The following BMAL1 variants were observed in gnomAD, a reference collection of about 807,000 sequenced individuals.
BMAL1 encodes the protein basic helix-loop-helix ARNT-like protein 1.
At chr11:13,330,390 C>T in the BMAL1 span, among the ~76,000 whole-genome samples, 13 of 152,184 alleles carry the variant, frequency 8.5e-5, no homozygotes, top group Non-Finnish European at 1.6e-4. Flanking sequence ...ACTAAAATCT[C>T]GATTTATTTT....
chr11:13,381,317 G>A, the BMAL1 span: 1 of 1,530,696 alleles, frequency 6.5e-7, no homozygotes, highest in Non-Finnish European at 9.0e-7. Flanking sequence ...AAATGTTGGG[G>A]GTGGGAGTAT....
the BMAL1 span, chr11:13,378,546 G>A: frequency 7.3e-6 from 11 of 1,514,214 alleles, no homozygotes; most frequent in Admixed American, 2.1e-5. Context: ...GACATTTTTG[G>A]TCTTCACAAC....
chr11:13,370,959 C>T, the BMAL1 span, among the ~76,000 whole-genome samples: 1 of 152,226 alleles, frequency 6.6e-6, no homozygotes, highest in Non-Finnish European at 1.5e-5. Flanking sequence ...TCCCCATGAA[C>T]TCCCTTCACA....
the BMAL1 span, among the ~76,000 whole-genome samples, chr11:13,286,338 G>A: frequency 6.6e-6 from 1 of 152,198 alleles, no homozygotes; most frequent in East Asian, 1.9e-4. Flanking sequence ...AGATTTGGTT[G>A]CATGTGTTAT....
chr11:13,313,841 C>CGGA, the BMAL1 span, among the ~76,000 whole-genome samples: 1 of 152,158 alleles, frequency 6.6e-6, no homozygotes, highest in South Asian at 2.1e-4. Context: ...TCAGCGGGGC[C>CGGA]TGCAGTCTTC....
the BMAL1 span, among the ~76,000 whole-genome samples, chr11:13,318,059 G>A: frequency 6.6e-6 from 1 of 152,240 alleles, no homozygotes; most frequent in Non-Finnish European, 1.5e-5. Flanking sequence ...GTGGCAGTGC[G>A]GAAGAGTGGT....
At chr11:13,292,894 T>C in the BMAL1 span, among the ~76,000 whole-genome samples, 1 of 152,204 alleles carries the variant, frequency 6.6e-6, no homozygotes, top group Non-Finnish European at 1.5e-5. Flanking sequence ...ACATTCTCTT[T>C]TTCCAGTAGC....
chr11:13,378,278 C>G, the BMAL1 span: 28 of 1,513,702 alleles, frequency 1.8e-5, no homozygotes, highest in Non-Finnish European at 2.4e-5. Context: ...TACTTTAATA[C>G]ATAATAGTAT....
At chr11:13,356,807 G>C in the BMAL1 span, 2 of 1,614,000 alleles carry the variant, frequency 1.2e-6, no homozygotes, top group Non-Finnish European at 1.7e-6. Flanking sequence ...TTGAACTTCA[G>C]CATCCTTATA....
At chr11:13,383,544 T>C in the BMAL1 span, among the ~76,000 whole-genome samples, 1 of 152,186 alleles carries the variant, frequency 6.6e-6, no homozygotes, top group East Asian at 1.9e-4. Flanking sequence ...TTAAAGCCAG[T>C]TTCATTTAAG....
At chr11:13,372,512 G>GA in the BMAL1 span, 1 of 1,520,108 alleles carries the variant, frequency 6.6e-7, no homozygotes, top group South Asian at 1.3e-5. Flanking sequence ...TTCTAAGAAT[G>GA]AAGAAAGAAA....
At chr11:13,298,131 A>G in the BMAL1 span, among the ~76,000 whole-genome samples, 1 of 152,148 alleles carries the variant, frequency 6.6e-6, no homozygotes, top group African/African-American at 2.4e-5. Context: ...TGCACAGCTC[A>G]TTGTGGTGCA....
the BMAL1 span, among the ~76,000 whole-genome samples, chr11:13,297,438 G>A: frequency 7.7e-4 from 118 of 152,338 alleles, no homozygotes; most frequent in African/African-American, 2.7e-3. Flanking sequence ...GGTTCTTCTC[G>A]CTGCCTGTGG....
At chr11:13,301,900 G>C in the BMAL1 span, among the ~76,000 whole-genome samples, 1 of 152,224 alleles carries the variant, frequency 6.6e-6, no homozygotes, top group East Asian at 1.9e-4. Context: ...GGATCACACT[G>C]CTGTGGAGCC....
the BMAL1 span, among the ~76,000 whole-genome samples, chr11:13,306,298 G>T: frequency 2.0e-5 from 3 of 152,128 alleles, no homozygotes; most frequent in African/African-American, 7.2e-5. Context: ...GCTGCTGCCT[G>T]TGTCCAGGCA....
the BMAL1 span, among the ~76,000 whole-genome samples, chr11:13,291,166 T>C: frequency 6.6e-6 from 1 of 152,176 alleles, no homozygotes; most frequent in Non-Finnish European, 1.5e-5. Flanking sequence ...TTCATCAAAG[T>C]CACCCTGTAA....
the BMAL1 span, chr11:13,354,200 G>GGC: frequency 2.7e-6 from 1 of 364,714 alleles, no homozygotes; most frequent in Non-Finnish European, 5.3e-6. Flanking sequence ...TCCCCCCCCG[G>GGC]CCCCCCACCA....
At chr11:13,379,927 C>T in the BMAL1 span, 1 of 152,284 alleles carries the variant, frequency 6.6e-6, no homozygotes, top group South Asian at 2.1e-4. Flanking sequence ...GAACAAGCAT[C>T]CAAAGTCTTG....
At chr11:13,328,872 C>T in the BMAL1 span, among the ~76,000 whole-genome samples, 13 of 152,308 alleles carry the variant, frequency 8.5e-5, no homozygotes, top group East Asian at 7.7e-4. Context: ...GCAAAACACA[C>T]GCCCTCTCTG....
Sources: allele counts gnomAD v4.1 joint callset (sites outside exome capture counted in the v4.1 genomes callset), GRCh38; gene constraint gnomAD v4.1.1; transcripts MANE v1.5; gene names NCBI Gene and HGNC (gene_info 2026-07-23, HGNC 2026-07-21).